Variants in AGBL1 observed in about 807,000 individuals in gnomAD.
AGBL1 encodes the protein AGBL carboxypeptidase 1, also known as cytosolic carboxypeptidase 4.
AGBL1 carries 130 observed loss-of-function variants against 118.9 expected under a neutral mutation model. That is an observed-to-expected ratio of 1.09 (90% CI 0.95 to 1.26). AGBL1 has a LOEUF of 1.26. Ranked by LOEUF, AGBL1 falls within the 50% of genes most tolerant of loss-of-function variation. AGBL1 has a pLI of 0.00. For synonymous variants in AGBL1, 555 were observed against 478.9 expected (o/e 1.16, Z -2.08); for missense variants, 1,584 against 1,298.1 (o/e 1.22, Z -3.38).
At chr15:86,936,861 C>G (rs926072541) in intron 23 of AGBL1, among the ~76,000 whole-genome samples, 1 of 152,162 alleles carries the variant, frequency 6.6e-6, no homozygotes, top group Non-Finnish European at 1.5e-5. Context: ...ACACGGTAAA[C>G]AGACAACCTA....
intron 17 of AGBL1, among the ~76,000 whole-genome samples, chr15:86,352,523 C>G (rs202014404): frequency 2.0e-5 from 3 of 151,386 alleles, no homozygotes; most frequent in East Asian, 3.9e-4. Context: ...GTTGTCCAAG[C>G]TGGAGCGCAT....
At chr15:86,555,729 C>T (rs2142273595) in intron 21 of AGBL1, among the ~76,000 whole-genome samples, 1 of 152,240 alleles carries the variant, frequency 6.6e-6, no homozygotes, top group African/African-American at 2.4e-5. Flanking sequence ...TTGAAAGCTA[C>T]TTACTTCTAG....
chr15:86,079,824 C>G (rs1055946994), upstream of AGBL1: 11 of 455,458 alleles, frequency 2.4e-5, no homozygotes, highest in Middle Eastern at 5.8e-4. Flanking sequence ...AGGGTTGCAC[C>G]GCGCTGACTT....
At chr15:86,487,742 C>A (rs746174367) in intron 18 of AGBL1, among the ~76,000 whole-genome samples, 4 of 152,020 alleles carry the variant, frequency 2.6e-5, no homozygotes, top group Admixed American at 6.6e-5. Context: ...AGTTGTCCAA[C>A]AACGCTGCAC....
chr15:86,865,142 C>T (rs1232588093), intron 22 of AGBL1, among the ~76,000 whole-genome samples: 1 of 152,104 alleles, frequency 6.6e-6, no homozygotes, highest in East Asian at 1.9e-4. Context: ...AACACAACAA[C>T]AATAAACCCT....
Position 86,686,422 on chromosome 15 carries a change from G to T in AGBL1, c.3158+11986G>T, listed in dbSNP as rs1030765131. On this transcript the variant is annotated intron_variant, in intron 22 of 22. Coordinates refer to ENST00000614907, the MANE Select transcript of AGBL1 (RefSeq NM_001386094.1). ...CTGATAATAGTAACTGATGTTTATT[G>T]ACTGCTTAGCATATTCTAAGTTTTT... Among the ~76,000 whole-genome samples, 10 of 150,746 alleles carry T rather than the reference G, an allele frequency of 6.6e-5. No individual in the cohort carries two copies. The South Asian group carries it at 1.9e-3, about 29-fold the overall frequency.
chr15:86,507,227 G>C (rs778130514), intron 18 of AGBL1, among the ~76,000 whole-genome samples: 2 of 152,036 alleles, frequency 1.3e-5, no homozygotes, highest in African/African-American at 4.8e-5. Flanking sequence ...CCACTGAAAA[G>C]AATCAAGCTT....
intron 19 of AGBL1, among the ~76,000 whole-genome samples, chr15:86,543,845 G>A (rs774856298): frequency 3.3e-5 from 5 of 152,152 alleles, no homozygotes; most frequent in Non-Finnish European, 7.4e-5. Flanking sequence ...AAACATGAGT[G>A]TTACTGGGGA....
At chr15:86,421,201 G>T (rs2081784964) in intron 18 of AGBL1, among the ~76,000 whole-genome samples, 1 of 152,034 alleles carries the variant, frequency 6.6e-6, no homozygotes, top group Non-Finnish European at 1.5e-5. Context: ...AAATGTTAAG[G>T]GCAGCCAGAG....
chr15:86,330,848 T>G (rs2080257381), intron 17 of AGBL1, among the ~76,000 whole-genome samples: 2 of 152,148 alleles, frequency 1.3e-5, no homozygotes, highest in Admixed American at 6.5e-5. Flanking sequence ...TTATAATAAC[T>G]GGACGAATTG....
In AGBL1 at chr15:86,912,225, G is replaced by A. The variant is rs2080361769; in HGVS notation, c.*4931G>A. ...AGCCTGGCCTCTCAAGCTGGTGGTT[G>A]CCATGGAAGAGTTCCCAGTGCGAGG... is the stretch of plus-strand genomic sequence containing the variant. On this transcript the variant is annotated 3_prime_UTR_variant, in exon 23 of 23. Coordinates refer to ENST00000614907, the MANE Select transcript of AGBL1 (RefSeq NM_001386094.1). The A allele has an allele frequency of 6.6e-6, 1 of 152,196 alleles. No homozygotes were observed. 9.4% of individuals were successfully genotyped at this position (152,196 alleles called of 1,614,324 possible).
intron 21 of AGBL1, among the ~76,000 whole-genome samples, chr15:86,633,854 ATATATATAATG>A (rs1269198085): frequency 1.8e-3 from 61 of 33,146 alleles, no homozygotes; most frequent in African/African-American, 8.7e-3. Flanking sequence ...TAATGTATAT[ATATATATAATG>A]TATATATATA....
intron 21 of AGBL1, among the ~76,000 whole-genome samples, chr15:86,574,512 T>G (rs539965063): frequency 5.7e-4 from 86 of 151,864 alleles, no homozygotes; most frequent in African/African-American, 2.0e-3. Context: ...AGCTGACATA[T>G]CTGAAGGAAT....
chr15:86,154,560 T>A lies in AGBL1; in HGVS notation c.393T>A (p.Ser131Arg). The A allele has an allele frequency of 6.2e-7, 1 of 1,607,018 alleles. No homozygotes were observed. Among genetic ancestry groups the A allele is most frequent in the East Asian group, 2.2e-5 (1 of 44,490 alleles). ...GGGCTCTGCGTGTGTTTGCCTCCAGTGGTAAGTGACTCTATTGTGGCTCTC... is the reference window on the plus strand; with the variant it reads ...GGGCTCTGCGTGTGTTTGCCTCCAGAGGTAAGTGACTCTATTGTGGCTCTC... ...CLWALRVFAS[S>R]VSMGAMLGIN... The change falls in exon 4 of 23, where the codon AGT becomes AGA. Residue 131 changes from serine to arginine, a missense_variant and splice_region_variant. By Grantham distance (110) the Ser-to-Arg change is moderately radical. Coordinates refer to ENST00000614907, the MANE Select transcript of AGBL1 (RefSeq NM_001386094.1).
chr15:86,470,854 G>A (rs935633445), intron 18 of AGBL1, among the ~76,000 whole-genome samples: 1 of 151,816 alleles, frequency 6.6e-6, no homozygotes, highest in African/African-American at 2.4e-5. Context: ...AAATTTTACT[G>A]ATTTTTGTGT....
At chr15:86,604,103 A>G (rs1200613738) in intron 21 of AGBL1, among the ~76,000 whole-genome samples, 2 of 152,180 alleles carry the variant, frequency 1.3e-5, no homozygotes, top group African/African-American at 4.8e-5. Context: ...TTAAAATTAC[A>G]TCCATTTCTA....
At chr15:86,243,392 C>T (rs1597612693) in intron 6 of AGBL1, among the ~76,000 whole-genome samples, 2 of 152,092 alleles carry the variant, frequency 1.3e-5, no homozygotes, top group Admixed American at 6.6e-5. Context: ...CACTAGGTCC[C>T]GTTTCAGACT....
chr15:86,418,485 A>C (rs896069402), intron 18 of AGBL1, among the ~76,000 whole-genome samples: 1 of 152,188 alleles, frequency 6.6e-6, no homozygotes, highest in African/African-American at 2.4e-5. Flanking sequence ...GGTTTTTATG[A>C]GTTCTACTTC....
rs567391908 is a variant in AGBL1 at position 86,457,946 on chromosome 15, G to A, written c.2555+60400G>A. 9.2e-5 allele frequency among the ~76,000 whole-genome samples: 14 copies of A among 152,164 alleles called. No homozygotes were observed. The East Asian group carries it at 1.9e-3, about 21-fold the overall frequency. Reference sequence around the variant, plus strand: ...GCCTCTTTCAACTGTCAGTGCTTTCGATCATAGGGGTAGTCTGGTATAAAA... The same window carrying A: ...GCCTCTTTCAACTGTCAGTGCTTTCAATCATAGGGGTAGTCTGGTATAAAA... On this transcript the variant is annotated intron_variant, in intron 18 of 22. Transcript: ENST00000614907.
Sources: allele counts gnomAD v4.1 joint callset (sites outside exome capture counted in the v4.1 genomes callset), GRCh38; gene constraint gnomAD v4.1.1; transcripts MANE v1.5; gene names NCBI Gene and HGNC (gene_info 2026-07-23, HGNC 2026-07-21).